The following FMNL2 variants were observed in gnomAD, a reference collection of about 807,000 sequenced individuals.
FMNL2 encodes formin like 2.
FMNL2 carries 51 observed loss-of-function variants against 130.2 expected under a neutral mutation model. That is an observed-to-expected ratio of 0.39 (90% CI 0.31 to 0.49). The LOEUF (loss-of-function observed/expected upper bound fraction) is 0.49, where lower values mean the gene tolerates loss of function less well. Among genes scored for constraint, FMNL2 ranks in the 20% least tolerant of loss-of-function variants. The probability of loss-of-function intolerance (pLI) is 0.85; values close to 1 mark genes in which losing one functional copy is unlikely to be tolerated. For missense variants in FMNL2, 977 were observed against 1,316.2 expected, an observed-to-expected ratio of 0.74 and a Z score of 3.99; for synonymous variants, 465 against 467.1, an observed-to-expected ratio of 1.00 and a Z score of 0.06.
intron 1 of FMNL2, among the ~76,000 whole-genome samples, chr2:152,341,010 T>A (rs1681767122): frequency 6.6e-6 from 1 of 152,160 alleles, no homozygotes; most frequent in South Asian, 2.1e-4. Flanking sequence ...GTTTTAACAT[T>A]TAAGTTTACT....
intron 1 of FMNL2, among the ~76,000 whole-genome samples, chr2:152,348,935 C>T (rs1468620251): frequency 7.1e-6 from 1 of 141,088 alleles, no homozygotes; most frequent in Non-Finnish European, 1.5e-5. Flanking sequence ...CCCGGGTTCA[C>T]GCCATTCTCC....
intron 21 of FMNL2, among the ~76,000 whole-genome samples, chr2:152,632,345 T>C (rs1666565896): frequency 6.6e-6 from 1 of 152,336 alleles, no homozygotes; most frequent in African/African-American, 2.4e-5. Flanking sequence ...CTCTGTGTCC[T>C]TTCTGTAAGA....
At chr2:152,367,891 C>T (rs558190882) in intron 1 of FMNL2, among the ~76,000 whole-genome samples, 60 of 152,288 alleles carry the variant, frequency 3.9e-4, no homozygotes, top group African/African-American at 1.3e-3. Flanking sequence ...ATATGTATCA[C>T]GCCACACCAC....
intron 1 of FMNL2, among the ~76,000 whole-genome samples, chr2:152,513,936 A>C (rs560067178): frequency 1.3e-5 from 2 of 152,322 alleles, no homozygotes; most frequent in South Asian, 4.1e-4. Context: ...AAGAAGCTGA[A>C]TAGATTTTAG....
intron 1 of FMNL2, among the ~76,000 whole-genome samples, chr2:152,402,920 G>C (rs748497003): frequency 1.7e-4 from 26 of 152,114 alleles, no homozygotes; most frequent in Non-Finnish European, 2.8e-4. Flanking sequence ...TCCAGGATGC[G>C]GTGTCACATT....
chr2:152,600,246 G>A (rs1055974455), intron 9 of FMNL2, among the ~76,000 whole-genome samples: 3 of 152,054 alleles, frequency 2.0e-5, no homozygotes, highest in African/African-American at 7.3e-5. Context: ...GAGCCTTGCA[G>A]ATCACAGGGG....
intron 12 of FMNL2, among the ~76,000 whole-genome samples, chr2:152,615,359 ATCT>A (rs781153663): frequency 6.6e-6 from 1 of 152,174 alleles, no homozygotes; most frequent in Non-Finnish European, 1.5e-5. Context: ...GCGAAGAGGT[ATCT>A]TCTTATCAAC....
Position 152,636,530 on chromosome 2 carries a change from G to T in FMNL2, c.2784G>T (p.Glu928Asp). 1 of 1,594,878 alleles carries T rather than the reference G, an allele frequency of 6.3e-7. No homozygotes were observed. Among genetic ancestry groups the T allele is most frequent in the Non-Finnish European group, 8.5e-7 (1 of 1,169,890 alleles). Residue 928 changes from glutamate to aspartate, a missense_variant, in exon 22 of 26, where the codon GAG becomes GAT. This residue lies in a region of FMNL2 where 689 missense variants were observed against 995.9 expected (regional missense o/e 0.69). Transcript: ENST00000288670. ...TMHDHNTLLK[E>D]FILNNEGKLK... Reference sequence around the variant, plus strand: ...ATGACCATAACACGCTGCTGAAGGAGTTCATCCTCAACAATGAGGGGAAGC... The same window carrying T: ...ATGACCATAACACGCTGCTGAAGGATTTCATCCTCAACAATGAGGGGAAGC...
Position 152,628,505 on chromosome 2 carries a change from T to C in FMNL2, c.2372T>C (p.Phe791Ser). Residue 791 changes from phenylalanine (F) to serine (S), a missense_variant, in exon 18 of 26, where the codon TTT becomes TCT. Phe to Ser is a radical substitution (Grantham distance 155, BLOSUM62 -2). Transcript: ENST00000288670. ...ACCATCATGGCCTTCATTGGGAACT[T>C]TGCTGAAAGCATTCAGATGCTGACT... ...KMTIMAFIGNFAESIQMLTPQ... is the reference protein window; with the variant it reads ...KMTIMAFIGNSAESIQMLTPQ... 6.2e-7 allele frequency: 1 copy of C among 1,614,032 alleles called. No individual in the cohort carries two copies. The highest frequency in any genetic ancestry group is 8.5e-7 in the Non-Finnish European group (1 of 1,179,884).
intron 4 of FMNL2, among the ~76,000 whole-genome samples, chr2:152,553,740 TTAACA>T (rs1483857652): frequency 2.0e-5 from 3 of 151,634 alleles, no homozygotes; most frequent in African/African-American, 7.2e-5. Context: ...ATGTTATGTA[TTAACA>T]TAAATATTAA....
rs749805810 is a variant in FMNL2 at position 152,632,037 on chromosome 2, G to C, written c.2580G>C (p.Lys860Asn). 2 of 1,612,108 alleles carry C rather than the reference G, an allele frequency of 1.2e-6. No individual in the cohort carries two copies. Among genetic ancestry groups the C allele is most frequent in the Non-Finnish European group, 1.7e-6 (2 of 1,179,096 alleles). The change falls in exon 21 of 26, where the codon AAG becomes AAC. Residue 860 changes from lysine to asparagine, a missense_variant. Physicochemically the swap from Lys to Asn is moderately conservative, Grantham distance 94. This residue lies in a region of FMNL2 where 689 missense variants were observed against 995.9 expected (regional missense o/e 0.69). Transcript: ENST00000288670. ...TAGATACAAAGTCAACAGACAGAAAGCAAACACTGTTGCACTATATATCCA... is the reference window on the plus strand; with the variant it reads ...TAGATACAAAGTCAACAGACAGAAACCAAACACTGTTGCACTATATATCCA... The part of the protein sequence containing the change: ...LLLDTKSTDR[K>N]QTLLHYISNV...
At chr2:152,447,533 T>C (rs778397333) in intron 1 of FMNL2, among the ~76,000 whole-genome samples, 4 of 152,220 alleles carry the variant, frequency 2.6e-5, no homozygotes, top group Non-Finnish European at 5.9e-5. Context: ...AGCAGTGAGC[T>C]TCATGCCATT....
At chr2:152,373,872 AT>A (rs976385955) in intron 1 of FMNL2, among the ~76,000 whole-genome samples, 17 of 147,560 alleles carry the variant, frequency 1.2e-4, no homozygotes, top group African/African-American at 1.7e-4. Context: ...ATTTATTACT[AT>A]TTTTTTTTTG....
At chr2:152,507,608 C>G (rs1692245185) in intron 1 of FMNL2, among the ~76,000 whole-genome samples, 1 of 152,160 alleles carries the variant, frequency 6.6e-6, no homozygotes, top group Non-Finnish European at 1.5e-5. Flanking sequence ...TGCCTATGAA[C>G]ATCGAGCAAG....
chr2:152,335,469 C>G lies in FMNL2; in HGVS notation c.-135C>G. Reference sequence around the variant, plus strand: ...TAGGGAGCGGTGCGCGCCGCACACCCGCCTGGGCGCGGCGGAGGGCGGGGA... The same window carrying G: ...TAGGGAGCGGTGCGCGCCGCACACCGGCCTGGGCGCGGCGGAGGGCGGGGA... On this transcript the variant is annotated 5_prime_UTR_variant, in exon 1 of 26. Transcript: ENST00000288670. 2.0e-6 allele frequency: 1 copy of G among 508,948 alleles called. No homozygotes were observed. Among genetic ancestry groups the G allele is most frequent in the Admixed American group, 4.8e-5 (1 of 20,888 alleles). 31.5% of individuals were successfully genotyped at this position (508,948 alleles called of 1,614,324 possible).
intron 25 of FMNL2, chr2:152,643,557 TTTTTGATGTC>T (rs1215076028): frequency 6.5e-7 from 1 of 1,535,212 alleles, no homozygotes; most frequent in Non-Finnish European, 8.7e-7. Flanking sequence ...TGCTACAGGT[TTTTTGATGTC>T]TTATGTCCCC....
chr2:152,467,784 C>G (rs962111998), intron 1 of FMNL2, among the ~76,000 whole-genome samples: 3 of 152,188 alleles, frequency 2.0e-5, no homozygotes, highest in African/African-American at 7.2e-5. Flanking sequence ...GAGAGCAGGC[C>G]TGGTCAACTG....
At chr2:152,568,969 C>G (rs1488446346) in intron 6 of FMNL2, among the ~76,000 whole-genome samples, 2 of 152,066 alleles carry the variant, frequency 1.3e-5, no homozygotes, top group Non-Finnish European at 2.9e-5. Flanking sequence ...GGTCTTTCTC[C>G]TCTACTCCAA....
intron 1 of FMNL2, among the ~76,000 whole-genome samples, chr2:152,506,515 A>T (rs1315913166): frequency 6.6e-6 from 1 of 152,232 alleles, no homozygotes; most frequent in African/African-American, 2.4e-5. Context: ...GTACATGTTC[A>T]GTACAGATGC....
Sources: gnomAD v4.1 joint callset for allele counts (sites outside exome capture counted in the v4.1 genomes callset) on GRCh38, gnomAD v4.1.1 for gene constraint, gnomAD v4.1.1 regional missense constraint, MANE v1.5 for transcripts, NCBI Gene and HGNC (gene_info 2026-07-23, HGNC 2026-07-21) for gene names.